SPATA6: variants seen among roughly 807,000 people sequenced by gnomAD.
SPATA6 encodes spermatogenesis associated 6.
A neutral mutation model predicts 65.3 loss-of-function variants in SPATA6; 56 were observed. That is an observed-to-expected ratio of 0.86 (90% CI 0.69 to 1.07). The LOEUF is 1.07. SPATA6 is among the 50% of genes least tolerant of loss of function. The pLI is 0.00. For missense variants in SPATA6, 590 were observed against 594.8 expected, an observed-to-expected ratio of 0.99 and a Z score of 0.08; for synonymous variants, 199 against 213.2, an observed-to-expected ratio of 0.93 and a Z score of 0.58.
downstream of SPATA6, among the ~76,000 whole-genome samples, chr1:48,291,922 T>A (rs11808863): frequency 0.036 from 5,412 of 152,310 alleles, 311 homozygotes; most frequent in African/African-American, 0.12. Context: ...ATGGGTTTTT[T>A]AAATCTCTTT....
At chr1:48,268,053 G>T in the SPATA6 span, among the ~76,000 whole-genome samples, 1 of 151,620 alleles carries the variant, frequency 6.6e-6, no homozygotes, top group African/African-American at 2.4e-5. Flanking sequence ...GCCCGGCCAG[G>T]TCTCAGGGTT....
At chr1:48,267,502 G>A in the SPATA6 span, among the ~76,000 whole-genome samples, 1 of 151,892 alleles carries the variant, frequency 6.6e-6, no homozygotes, top group Non-Finnish European at 1.5e-5. Context: ...AGATGGATGG[G>A]GAGCTAGAAG....
chr1:48,439,278 G>A (rs974618199), intron 3 of SPATA6, among the ~76,000 whole-genome samples: 2 of 152,168 alleles, frequency 1.3e-5, no homozygotes, highest in South Asian at 2.1e-4. Flanking sequence ...CACTAAATCT[G>A]ACCTTCCTCA....
chr1:48,305,693 CTT>C (rs1013749221), intron 12 of SPATA6, 92 bp downstream of exon 12: 4 of 881,194 alleles, frequency 4.5e-6, no homozygotes, highest in Admixed American at 2.8e-5. Context: ...ACTAATTATC[CTT>C]TTGAGTCTAA....
intron 11 of SPATA6, among the ~76,000 whole-genome samples, chr1:48,334,546 T>G (rs1646006872): frequency 6.6e-6 from 1 of 152,172 alleles, no homozygotes; most frequent in African/African-American, 2.4e-5. Flanking sequence ...TATGATTATA[T>G]CAATGAATAC....
intron 3 of SPATA6, among the ~76,000 whole-genome samples, chr1:48,416,461 A>G (rs896210553): frequency 6.6e-6 from 1 of 152,250 alleles, no homozygotes; most frequent in African/African-American, 2.4e-5. Flanking sequence ...GAATACTCAC[A>G]TATGTATGTG....
At chr1:48,319,065 GA>G (rs1307173625) in intron 11 of SPATA6, among the ~76,000 whole-genome samples, 1 of 152,046 alleles carries the variant, frequency 6.6e-6, no homozygotes, top group African/African-American at 2.4e-5. Context: ...ATTTCCACAT[GA>G]AAAAGAATTA....
At chr1:48,328,383 A>T (rs1013400570) in intron 11 of SPATA6, among the ~76,000 whole-genome samples, 9 of 151,828 alleles carry the variant, frequency 5.9e-5, no homozygotes, top group East Asian at 1.9e-4. Context: ...ATGAATGGAT[A>T]AAAAAAAGTG....
chr1:48,378,375 T>C (rs1357065279), intron 9 of SPATA6, among the ~76,000 whole-genome samples: 1 of 152,242 alleles, frequency 6.6e-6, no homozygotes, highest in African/African-American at 2.4e-5. Context: ...TCCAAGCTTA[T>C]ATCTCTAGGG....
At chr1:48,334,297 T>G (rs1186801056) in intron 11 of SPATA6, among the ~76,000 whole-genome samples, 1 of 151,666 alleles carries the variant, frequency 6.6e-6, no homozygotes, top group Non-Finnish European at 1.5e-5. Context: ...AGCACCATCC[T>G]GATACCAAAA....
At chr1:48,385,279 AATT>A (rs1649342987) in intron 9 of SPATA6, 27 bp downstream of exon 9, 5 of 1,574,990 alleles carry the variant, frequency 3.2e-6, no homozygotes, top group Non-Finnish European at 4.3e-6. Context: ...AAGCCAGAAC[AATT>A]ATTATTCTAC....
intron 3 of SPATA6, among the ~76,000 whole-genome samples, chr1:48,434,259 G>GAAAAAAAAAAAAAAAA (rs530291772): frequency 9.1e-6 from 1 of 109,894 alleles, no homozygotes; most frequent in African/African-American, 3.8e-5. Context: ...AGCAGTGAAA[G>GAAAAAAAAAAAAAAAA]AAAAAAAAAA....
Position 48,472,030 on chromosome 1 carries a change from G to C in SPATA6, c.-22C>G, listed in dbSNP as rs770306194. On this transcript the variant is annotated 5_prime_UTR_variant, in exon 1 of 13. Coordinates refer to ENST00000371847, the MANE Select transcript of SPATA6 (RefSeq NM_019073.4). ...GCATCCGTGCGGGGAGGGGCGGCGG[G>C]GAGTGACCCCGGCCACGGGCCCGAG... The C allele has an allele frequency of 4.6e-6, 7 of 1,513,916 alleles. No homozygotes were observed. Among genetic ancestry groups the C allele is most frequent in the Admixed American group, 2.1e-5 (1 of 47,116 alleles). The allele number at this position is 1,513,916 out of a possible 1,614,324, so 93.8% of individuals were successfully genotyped here. A position where few individuals can be genotyped will look rare whatever the true frequency, so the allele number is the denominator to read the frequency against.
the SPATA6 span, among the ~76,000 whole-genome samples, chr1:48,265,003 C>G: frequency 1.3e-5 from 2 of 152,170 alleles, no homozygotes; most frequent in Non-Finnish European, 2.9e-5. Context: ...CTTCATGCCT[C>G]CATGCAAGCT....
intron 5 of SPATA6, among the ~76,000 whole-genome samples, chr1:48,408,263 T>C (rs1651890156): frequency 6.6e-6 from 1 of 152,228 alleles, no homozygotes. Context: ...TCTATCCAAA[T>C]AATTTCAAGC....
intron 3 of SPATA6, chr1:48,436,432 A>G: frequency 6.2e-7 from 1 of 1,607,778 alleles, no homozygotes; most frequent in Non-Finnish European, 8.5e-7. Context: ...TCCTGAAGGA[A>G]TGAGTGAAAC....
At chr1:48,443,692 G>A (rs531026060) in intron 3 of SPATA6, among the ~76,000 whole-genome samples, 158 of 152,294 alleles carry the variant, frequency 1.0e-3, no homozygotes, top group African/African-American at 3.7e-3. Flanking sequence ...GCGTTTACAG[G>A]AAAAGGCTTC....
At chr1:48,459,240 A>G (rs1380759683) in intron 1 of SPATA6, among the ~76,000 whole-genome samples, 2 of 149,016 alleles carry the variant, frequency 1.3e-5, no homozygotes, top group African/African-American at 2.5e-5. Context: ...GTTTCATGGG[A>G]TGTGAATAAT....
chr1:48,344,363 C>T (rs926564670), intron 11 of SPATA6: 1 of 152,074 alleles, frequency 6.6e-6, no homozygotes. Context: ...ACCTGCCTTA[C>T]AAGAGCTCCT....
Sources: gnomAD v4.1 joint callset for allele counts (sites outside exome capture counted in the v4.1 genomes callset) on GRCh38, gnomAD v4.1.1 for gene constraint, MANE v1.5 for transcripts, NCBI Gene and HGNC (gene_info 2026-07-23, HGNC 2026-07-21) for gene names.